The following CADM2 variants were observed in gnomAD, a reference collection of about 807,000 sequenced individuals.
CADM2 encodes cell adhesion molecule 2, also known as immunoglobulin superfamily member 4D.
A neutral mutation model predicts 49.8 loss-of-function variants in CADM2; 12 were observed. The observed-to-expected ratio is 0.24, with a 90% CI of 0.15 to 0.39. CADM2 has a LOEUF of 0.39. Ranked by LOEUF, CADM2 falls within the 10% of genes least tolerant of loss-of-function variation. The probability of loss-of-function intolerance (pLI) is 1.00; values close to 1 mark genes in which losing one functional copy is unlikely to be tolerated. For missense variants in CADM2, 378 were observed against 492.3 expected, an observed-to-expected ratio of 0.77 and a Z score of 2.20; for synonymous variants, 214 against 175.4, an observed-to-expected ratio of 1.22 and a Z score of -1.74.
intron 8 of CADM2, among the ~76,000 whole-genome samples, chr3:86,016,214 A>G (rs1732206417): frequency 6.6e-6 from 1 of 152,088 alleles, no homozygotes. Context: ...TTAGGGTGAA[A>G]CAAGTAAACA....
chr3:85,659,092 A>T (rs1377921106), intron 1 of CADM2, among the ~76,000 whole-genome samples: 2 of 82,848 alleles, frequency 2.4e-5, no homozygotes, highest in African/African-American at 5.2e-5. Flanking sequence ...ATAACAATAA[A>T]TTTTTTAAAA....
At chr3:85,208,127 T>A (rs2041695521) in intron 1 of CADM2, among the ~76,000 whole-genome samples, 1 of 152,288 alleles carries the variant, frequency 6.6e-6, no homozygotes, top group African/African-American at 2.4e-5. Context: ...AAAGGAGTGA[T>A]TTGCCTTGCA....
intron 1 of CADM2, among the ~76,000 whole-genome samples, chr3:85,020,031 T>C (rs1388703116): frequency 6.6e-6 from 1 of 152,184 alleles, no homozygotes; most frequent in Non-Finnish European, 1.5e-5. Context: ...ATTCAAGTAC[T>C]ATTTTAAGTG....
At chr3:85,248,418 A>T (rs984315951) in intron 1 of CADM2, among the ~76,000 whole-genome samples, 6 of 151,924 alleles carry the variant, frequency 3.9e-5, no homozygotes, top group Admixed American at 6.6e-5. Flanking sequence ...GGGATTACAG[A>T]TGCACGCCAC....
At chr3:85,987,578 G>A (rs1728263531) in intron 8 of CADM2, among the ~76,000 whole-genome samples, 1 of 145,208 alleles carries the variant, frequency 6.9e-6, no homozygotes, top group Admixed American at 7.0e-5. Context: ...TAATATACAT[G>A]TTAAAATAAA....
intron 7 of CADM2, among the ~76,000 whole-genome samples, chr3:85,945,931 C>A (rs1034285781): frequency 6.6e-6 from 1 of 151,904 alleles, no homozygotes; most frequent in African/African-American, 2.4e-5. Flanking sequence ...CTGGCCAGGG[C>A]AATCAGGCAG....
intron 8 of CADM2, among the ~76,000 whole-genome samples, chr3:86,017,954 G>T (rs369365216): frequency 5.8e-5 from 8 of 138,646 alleles, no homozygotes; most frequent in Non-Finnish European, 1.1e-4. Context: ...GTATACATGT[G>T]CCATGCTGGT....
At chr3:85,243,380 T>C (rs1209029665) in intron 1 of CADM2, among the ~76,000 whole-genome samples, 1 of 151,958 alleles carries the variant, frequency 6.6e-6, no homozygotes, top group East Asian at 1.9e-4. Flanking sequence ...ATCAGGAAAG[T>C]AAGAAAATGT....
chr3:85,824,162 T>C (rs539117318), intron 3 of CADM2, among the ~76,000 whole-genome samples: 1 of 152,292 alleles, frequency 6.6e-6, no homozygotes, highest in East Asian at 1.9e-4. Flanking sequence ...CTAACTCATA[T>C]TGTACTCACA....
intron 1 of CADM2, among the ~76,000 whole-genome samples, chr3:85,373,124 A>G (rs1250674605): frequency 2.0e-5 from 3 of 152,182 alleles, no homozygotes; most frequent in African/African-American, 7.2e-5. Context: ...TCAAAAGTCC[A>G]CAGCCCAAAG....
intron 8 of CADM2, among the ~76,000 whole-genome samples, chr3:86,017,452 C>G (rs576892327): frequency 6.6e-6 from 1 of 151,738 alleles, no homozygotes; most frequent in South Asian, 2.1e-4. Flanking sequence ...TATTTTTTGG[C>G]TGGTCATGGT....
At chr3:85,554,414 A>C (rs1203614392) in intron 1 of CADM2, among the ~76,000 whole-genome samples, 1 of 152,162 alleles carries the variant, frequency 6.6e-6, no homozygotes, top group East Asian at 1.9e-4. Context: ...GGCGGCACAA[A>C]GGTTAGGGAC....
intron 1 of CADM2, among the ~76,000 whole-genome samples, chr3:85,077,910 A>G (rs2107491968): frequency 6.6e-6 from 1 of 152,182 alleles, no homozygotes; most frequent in Middle Eastern, 3.4e-3. Context: ...GTTTCTTACT[A>G]TTGCGTAGGA....
At chr3:85,939,110 A>G (rs922282067) in intron 7 of CADM2, among the ~76,000 whole-genome samples, 1 of 151,908 alleles carries the variant, frequency 6.6e-6, no homozygotes. Context: ...CTTTATGCTA[A>G]TGTTGTTTTC....
intron 1 of CADM2, among the ~76,000 whole-genome samples, chr3:84,964,891 A>G (rs1038950051): frequency 7.2e-5 from 11 of 152,350 alleles, no homozygotes; most frequent in African/African-American, 2.2e-4. Context: ...GTCAAGTCAC[A>G]TAAGAGTTAA....
At chr3:85,486,578 G>T (rs573469961) in intron 1 of CADM2, among the ~76,000 whole-genome samples, 1 of 152,084 alleles carries the variant, frequency 6.6e-6, no homozygotes, top group African/African-American at 2.4e-5. Flanking sequence ...TCTCTATTTT[G>T]TAATATCAAA....
At chr3:85,615,230 GAGAA>G (rs1239950139) in intron 1 of CADM2, among the ~76,000 whole-genome samples, 2 of 151,706 alleles carry the variant, frequency 1.3e-5, no homozygotes, top group African/African-American at 4.8e-5. Context: ...GAGAGAAAGA[GAGAA>G]AGAAAAGAAA....
rs981459648 is a variant in CADM2, at chr3:85,475,141, T to C, written c.62-251381T>C. On this transcript the variant is annotated intron_variant, in intron 1 of 9. Coordinates refer to ENST00000383699, the MANE Select transcript of CADM2 (RefSeq NM_001167675.2). Reference sequence around the variant, plus strand: ...TCTGTTTTCTGGTGTTTTGTGGCAATATATAGATTAGACAAATGTTCAGAT... The same window carrying C: ...TCTGTTTTCTGGTGTTTTGTGGCAACATATAGATTAGACAAATGTTCAGAT... Among the ~76,000 whole-genome samples the C allele has an allele frequency of 3.9e-5, 6 of 152,084 alleles. No individual in the cohort carries two copies. The South Asian group carries it at 6.2e-4, about 16-fold the overall frequency.
intron 1 of CADM2, among the ~76,000 whole-genome samples, chr3:85,223,398 A>G (rs1270104129): frequency 6.6e-6 from 1 of 152,142 alleles, no homozygotes; most frequent in Non-Finnish European, 1.5e-5. Flanking sequence ...CTTAATAATC[A>G]TTCATCCTAT....
Sources: allele counts gnomAD v4.1 joint callset (sites outside exome capture counted in the v4.1 genomes callset), GRCh38; gene constraint gnomAD v4.1.1; transcripts MANE v1.5; gene names NCBI Gene and HGNC (gene_info 2026-07-23, HGNC 2026-07-21).